PKNOX2: variants seen among roughly 807,000 people sequenced by gnomAD.
The protein encoded by PKNOX2 is PBX/knotted 1 homeobox 2.
PKNOX2 carries 14 observed loss-of-function variants against 53.1 expected under a neutral mutation model. The ratio of observed to expected loss-of-function variants is 0.26; its 90% CI spans 0.17 to 0.41. PKNOX2 has a LOEUF of 0.41. Ranked by LOEUF, PKNOX2 falls within the 10% of genes least tolerant of loss-of-function variation. The pLI, the probability that PKNOX2 is intolerant of heterozygous loss-of-function variation, is 1.00. For missense variants in PKNOX2, 496 were observed against 602.8 expected, an observed-to-expected ratio of 0.82 and a Z score of 1.85; for synonymous variants, 257 against 242.8, an observed-to-expected ratio of 1.06 and a Z score of -0.54.
intron 6 of PKNOX2, among the ~76,000 whole-genome samples, chr11:125,397,284 C>T (rs552503504): frequency 1.2e-4 from 18 of 152,292 alleles, no homozygotes; most frequent in African/African-American, 3.6e-4. Context: ...ACAAGGTAAC[C>T]GGTATCCCAT....
chr11:125,398,188 G>A, intron 7 of PKNOX2, 126 bp downstream of exon 7: 1 of 943,630 alleles, frequency 1.1e-6, no homozygotes, highest in Non-Finnish European at 1.6e-6. Flanking sequence ...TTTGCCATGA[G>A]GGCCCTCCTC....
intron 2 of PKNOX2, among the ~76,000 whole-genome samples, chr11:125,321,944 G>A (rs1424769945): frequency 3.3e-5 from 5 of 152,152 alleles, no homozygotes; most frequent in East Asian, 1.9e-4. Context: ...GAGCTCACTC[G>A]AGTCTTTTTT....
Position 125,431,444 on chromosome 11 carries a change from G to A in PKNOX2, c.*52G>A, listed in dbSNP as rs1378286590. The A allele has an allele frequency of 2.5e-6, 2 of 811,138 alleles. No homozygotes were observed. The highest frequency in any genetic ancestry group is 3.7e-5 in the African/African-American group (2 of 54,766). 50.2% of individuals were successfully genotyped at this position (811,138 alleles called of 1,614,324 possible). On this transcript the variant is annotated 3_prime_UTR_variant, in exon 13 of 13. Transcript: ENST00000298282. ...CTGAGCAGGAGAGGAGTGTCGCCGG[G>A]AGGCCTTCAGGGTGGGGGGGAAGGG... is the stretch of plus-strand genomic sequence containing the variant.
intron 1 of PKNOX2, among the ~76,000 whole-genome samples, chr11:125,226,359 G>A (rs1009803303): frequency 2.6e-5 from 4 of 152,166 alleles, no homozygotes; most frequent in East Asian, 1.9e-4. Flanking sequence ...ACCTCTCCCC[G>A]GAAAAACTTA....
chr11:125,412,140 AGTGCTG>A (rs1019960578), intron 10 of PKNOX2, among the ~76,000 whole-genome samples: 10 of 152,236 alleles, frequency 6.6e-5, no homozygotes, highest in African/African-American at 2.4e-4. Context: ...TCAAGAGTCA[AGTGCTG>A]GGCAGGTGTG....
chr11:125,303,757 G>C (rs767860365), intron 2 of PKNOX2, among the ~76,000 whole-genome samples: 18 of 152,154 alleles, frequency 1.2e-4, no homozygotes, highest in Admixed American at 3.3e-4. Context: ...ACAGGCACTA[G>C]AAAGTGACAT....
At chr11:125,236,161 G>A (rs1288957155) in intron 2 of PKNOX2, among the ~76,000 whole-genome samples, 2 of 152,190 alleles carry the variant, frequency 1.3e-5, no homozygotes, top group Non-Finnish European at 2.9e-5. Context: ...CCCTGCGATC[G>A]GCTAACATCC....
intron 1 of PKNOX2, among the ~76,000 whole-genome samples, chr11:125,229,103 G>A (rs574796102): frequency 6.6e-6 from 1 of 152,306 alleles, no homozygotes; most frequent in Admixed American, 6.5e-5. Flanking sequence ...CCATGTGGGA[G>A]CGGTGTTGGC....
At chr11:125,227,457 C>G (rs774135076) in intron 1 of PKNOX2, among the ~76,000 whole-genome samples, 2 of 152,214 alleles carry the variant, frequency 1.3e-5, no homozygotes, top group Non-Finnish European at 2.9e-5. Context: ...GTACCTTGTA[C>G]AGGTGGAACC....
chr11:125,405,914 CAA>C (rs1363728390), intron 7 of PKNOX2, among the ~76,000 whole-genome samples: 2 of 152,190 alleles, frequency 1.3e-5, no homozygotes, highest in African/African-American at 4.8e-5. Flanking sequence ...CCTAGTGGAA[CAA>C]AACGAACAGA....
intron 2 of PKNOX2, among the ~76,000 whole-genome samples, chr11:125,321,873 G>A (rs978600100): frequency 2.0e-5 from 3 of 152,208 alleles, no homozygotes; most frequent in Non-Finnish European, 4.4e-5. Context: ...AGTGTTTAGT[G>A]AGGGCTCCTT....
chr11:125,246,849 T>G (rs946892402), intron 2 of PKNOX2, among the ~76,000 whole-genome samples: 1 of 152,166 alleles, frequency 6.6e-6, no homozygotes, highest in Non-Finnish European at 1.5e-5. Flanking sequence ...GAGATGAGGA[T>G]GGGCAACCCC....
intron 2 of PKNOX2, among the ~76,000 whole-genome samples, chr11:125,256,406 T>G (rs1029690944): frequency 3.9e-5 from 6 of 152,188 alleles, no homozygotes; most frequent in African/African-American, 1.4e-4. Flanking sequence ...CCTCTGGGAC[T>G]GTTCCCCACC....
At chr11:125,172,767 A>G (rs531325966) in intron 1 of PKNOX2, among the ~76,000 whole-genome samples, 66 of 152,332 alleles carry the variant, frequency 4.3e-4, no homozygotes, top group African/African-American at 1.6e-3. Context: ...AAATCCGAGC[A>G]AAGAATCATG....
Position 125,431,467 on chromosome 11 carries a change from G to A in PKNOX2, c.*75G>A, listed in dbSNP as rs1217066611. The A allele has an allele frequency of 6.9e-5, 22 of 321,114 alleles. 6 individuals are homozygous for A. The highest frequency in any genetic ancestry group is 1.3e-4 in the Non-Finnish European group (21 of 160,066). The allele number at this position is 321,114 out of a possible 1,614,324, so 19.9% of individuals were successfully genotyped here. On this transcript the variant is annotated 3_prime_UTR_variant, in exon 13 of 13. Coordinates refer to ENST00000298282, the MANE Select transcript of PKNOX2 (RefSeq NM_001382323.2). The stretch of plus-strand genomic sequence containing the variant: ...GGGAGGCCTTCAGGGTGGGGGGGAA[G>A]GGGACATGGGCAGGAAGCACCGAGG...
intron 4 of PKNOX2, among the ~76,000 whole-genome samples, chr11:125,363,622 C>A (rs1037906563): frequency 6.6e-6 from 1 of 152,180 alleles, no homozygotes; most frequent in Non-Finnish European, 1.5e-5. Flanking sequence ...CTGTCCCTAG[C>A]GGGCTGCCAA....
intron 6 of PKNOX2, among the ~76,000 whole-genome samples, chr11:125,393,079 T>C (rs1358950800): frequency 6.8e-6 from 1 of 147,492 alleles, no homozygotes; most frequent in Non-Finnish European, 1.5e-5. Context: ...GAGAATGGCG[T>C]GAACCAGGAG....
intron 3 of PKNOX2, among the ~76,000 whole-genome samples, chr11:125,345,837 C>T (rs1159224099): frequency 6.6e-6 from 1 of 152,208 alleles, no homozygotes; most frequent in Non-Finnish European, 1.5e-5. Context: ...TCTCCATACA[C>T]ATCCCAAGCT....
rs531976549 is a variant in PKNOX2 at position 125,288,685 on chromosome 11, C to T, written c.-129-43134C>T. ...TCCCGTAGGAAGCACTGCTGACCAC[C>T]GCAGCGACTCTGGCTTCTCACGTTG... On this transcript the variant is annotated intron_variant, in intron 2 of 12. Transcript: ENST00000298282. Among the ~76,000 whole-genome samples, 150 of 152,330 alleles carry T rather than the reference C, an allele frequency of 9.8e-4. 3 individuals carry two copies. The highest frequency in any genetic ancestry group is 3.5e-3 in the African/African-American group (145 of 41,578).
Sources: allele counts gnomAD v4.1 joint callset (sites outside exome capture counted in the v4.1 genomes callset), GRCh38; gene constraint gnomAD v4.1.1; transcripts MANE v1.5; gene names NCBI Gene and HGNC (gene_info 2026-07-23, HGNC 2026-07-21).